The following RAPGEF2 variants were observed in gnomAD, a reference collection of about 807,000 sequenced individuals.
RAPGEF2 encodes Rap guanine nucleotide exchange factor 2.
Under a neutral mutation model 186.7 loss-of-function variants are expected in RAPGEF2, and 54 were observed. The ratio of observed to expected loss-of-function variants is 0.29; its 90% CI spans 0.23 to 0.36. The LOEUF (loss-of-function observed/expected upper bound fraction) is 0.36. RAPGEF2 is among the 10% of genes least tolerant of loss of function. The pLI is 1.00. For missense variants in RAPGEF2, 1,532 were observed against 2,045.0 expected, an observed-to-expected ratio of 0.75 and a Z score of 4.84; for synonymous variants, 712 against 705.9, an observed-to-expected ratio of 1.01 and a Z score of -0.14.
intron 1 of RAPGEF2, among the ~76,000 whole-genome samples, chr4:159,130,221 C>T (rs1489573889): frequency 2.6e-5 from 4 of 152,168 alleles, no homozygotes; most frequent in Non-Finnish European, 5.9e-5. Flanking sequence ...TTTACCTTGT[C>T]TTATCAGCAG....
Position 159,141,358 on chromosome 4 carries a change from C to T in RAPGEF2, c.69+37127C>T, listed in dbSNP as rs13108564. Among the ~76,000 whole-genome samples the T allele has an allele frequency of 3.2e-3, 488 of 152,200 alleles. 1 individual carries two copies. Among genetic ancestry groups the T allele is most frequent in the Non-Finnish European group, 5.2e-3 (351 of 68,010 alleles). Reference sequence around the variant, plus strand: ...TATTTCCACGAGATGATTCAAAGGTCAGCCTCATTCTGTCCAGCAGCACAG... The same window carrying T: ...TATTTCCACGAGATGATTCAAAGGTTAGCCTCATTCTGTCCAGCAGCACAG... On this transcript the variant is annotated intron_variant, in intron 1 of 29. Transcript: ENST00000691494.
At chr4:159,117,963 G>GTT (rs958594461) in intron 1 of RAPGEF2, among the ~76,000 whole-genome samples, 2 of 149,340 alleles carry the variant, frequency 1.3e-5, no homozygotes, top group Admixed American at 1.3e-4. Flanking sequence ...GCTATATTAT[G>GTT]TTTTTTTTTT....
intron 3 of RAPGEF2, among the ~76,000 whole-genome samples, chr4:159,198,602 C>T (rs1005591035): frequency 4.0e-5 from 6 of 151,544 alleles, no homozygotes; most frequent in Non-Finnish European, 7.4e-5. Flanking sequence ...TGTGCCACCA[C>T]GCCTGGCTAA....
At chr4:159,273,988 C>T (rs941466662) in intron 7 of RAPGEF2, among the ~76,000 whole-genome samples, 4 of 151,922 alleles carry the variant, frequency 2.6e-5, no homozygotes, top group African/African-American at 9.7e-5. Context: ...GGTGGGGTTT[C>T]GCCATGTTGG....
chr4:159,152,659 C>G (rs1743682078), intron 1 of RAPGEF2, among the ~76,000 whole-genome samples: 1 of 151,992 alleles, frequency 6.6e-6, no homozygotes, highest in African/African-American at 2.4e-5. Flanking sequence ...GCTCTGTCAC[C>G]CAGGCTGGGG....
chr4:159,176,524 G>A (rs866750922), intron 1 of RAPGEF2, among the ~76,000 whole-genome samples: 2 of 152,074 alleles, frequency 1.3e-5, no homozygotes, highest in African/African-American at 4.8e-5. Flanking sequence ...CTGACAATAT[G>A]CTACTGATGT....
intron 1 of RAPGEF2, among the ~76,000 whole-genome samples, chr4:159,153,433 C>T (rs1357900410): frequency 1.3e-5 from 2 of 152,188 alleles, no homozygotes; most frequent in Non-Finnish European, 2.9e-5. Context: ...CAGTTCCTCA[C>T]TCTGTGGAAA....
At chr4:159,338,241 G>T in intron 17 of RAPGEF2, 70 bp from the exon 18 acceptor site, 3 of 1,386,534 alleles carry the variant, frequency 2.2e-6, no homozygotes, top group Admixed American at 2.3e-5. Flanking sequence ...TTTGGTCTGT[G>T]TTTATTATAT....
chr4:159,311,944 A>G (rs1476812462), intron 8 of RAPGEF2, among the ~76,000 whole-genome samples: 1 of 152,192 alleles, frequency 6.6e-6, no homozygotes, highest in African/African-American at 2.4e-5. Context: ...ATGTTATTTT[A>G]TGAATAGTTT....
chr4:159,219,474 G>T (rs1471885263), intron 4 of RAPGEF2, among the ~76,000 whole-genome samples: 3 of 148,464 alleles, frequency 2.0e-5, no homozygotes, highest in Non-Finnish European at 4.4e-5. Context: ...TCCTGCCTCA[G>T]CCTCCCGAGT....
At chr4:159,201,728 T>G (rs561957669) in intron 3 of RAPGEF2, among the ~76,000 whole-genome samples, 2 of 152,318 alleles carry the variant, frequency 1.3e-5, no homozygotes, top group East Asian at 3.9e-4. Context: ...TCGGAAGTTG[T>G]CCCTTTATCT....
intron 1 of RAPGEF2, among the ~76,000 whole-genome samples, chr4:159,140,956 T>A (rs1742255354): frequency 6.6e-6 from 1 of 151,994 alleles, no homozygotes; most frequent in South Asian, 2.1e-4. Context: ...CTCGGCCTTC[T>A]GAAGAGCTGG....
At chr4:159,134,730 C>T (rs966332564) in intron 1 of RAPGEF2, among the ~76,000 whole-genome samples, 5 of 152,208 alleles carry the variant, frequency 3.3e-5, no homozygotes, top group African/African-American at 1.2e-4. Context: ...ATATAATTCA[C>T]ATACCATACA....
chr4:159,277,031 A>G (rs912465487), intron 7 of RAPGEF2, among the ~76,000 whole-genome samples: 32 of 151,808 alleles, frequency 2.1e-4, no homozygotes, highest in African/African-American at 7.0e-4. Context: ...CCATTAACTC[A>G]TCATTTACAT....
At chr4:159,330,265 A>ATTTG in intron 12 of RAPGEF2, 69 bp from the exon 13 acceptor site, 1 of 529,620 alleles carries the variant, frequency 1.9e-6, no homozygotes, top group Non-Finnish European at 3.3e-6. Flanking sequence ...GTATATGTAT[A>ATTTG]TGTGTGTGTG....
intron 3 of RAPGEF2, among the ~76,000 whole-genome samples, chr4:159,195,758 C>T (rs1347254358): frequency 2.0e-5 from 3 of 151,964 alleles, no homozygotes; most frequent in African/African-American, 7.2e-5. Flanking sequence ...CCAACCTGTT[C>T]TCCTAAAGTG....
intron 4 of RAPGEF2, among the ~76,000 whole-genome samples, chr4:159,233,150 T>A (rs1035800369): frequency 1.3e-5 from 2 of 152,250 alleles, no homozygotes; most frequent in African/African-American, 2.4e-5. Context: ...GCAGAGTTTT[T>A]AATTTTGATG....
chr4:159,268,121 A>T, intron 7 of RAPGEF2: 5 of 1,611,558 alleles, frequency 3.1e-6, no homozygotes, highest in Non-Finnish European at 3.4e-6. Flanking sequence ...TTGGTACATG[A>T]TGTGTAAATT....
chr4:159,350,609 CATT>C (rs1486231799), intron 26 of RAPGEF2, among the ~76,000 whole-genome samples: 1 of 152,068 alleles, frequency 6.6e-6, no homozygotes, highest in Non-Finnish European at 1.5e-5. Flanking sequence ...GGTTATATGA[CATT>C]AGTACAGAGA....
Sources: allele counts gnomAD v4.1 joint callset (sites outside exome capture counted in the v4.1 genomes callset), GRCh38; gene constraint gnomAD v4.1.1; transcripts MANE v1.5; gene names NCBI Gene and HGNC (gene_info 2026-07-23, HGNC 2026-07-21).